The following GMEB2 variants were observed in gnomAD, a reference collection of about 807,000 sequenced individuals.
The protein encoded by GMEB2 is glucocorticoid modulatory element binding protein 2, also known as glucocorticoid modulatory element-binding protein 2.
In GMEB2, 7 loss-of-function variants were observed where a neutral mutation model predicts 45.7. The observed-to-expected ratio is 0.15, with a 90% CI of 0.09 to 0.29. The LOEUF (loss-of-function observed/expected upper bound fraction) is 0.29, where lower values mean the gene tolerates loss of function less well. GMEB2 is among the 10% of genes least tolerant of loss of function. The pLI is 1.00. For missense variants in GMEB2, 582 were observed against 739.2 expected, an observed-to-expected ratio of 0.79 and a Z score of 2.47; for synonymous variants, 322 against 323.6, an observed-to-expected ratio of 1.00 and a Z score of 0.05.
rs1165793826 is a variant in GMEB2, at chr20:63,607,370, C to T, written c.132-2530G>A. Among the ~76,000 whole-genome samples, 2 of 18,196 alleles carry T rather than the reference C, an allele frequency of 1.1e-4. 1 individual carries two copies. Among genetic ancestry groups the T allele is most frequent in the South Asian group, 2.2e-3 (2 of 922 alleles). The allele number at this position is 18,196 out of a possible 152,430, so 11.9% of individuals were successfully genotyped here. ...CATTTCTAGAAACATGTCCCTCTGACCCACCTCCATTTCTAGAAACATGCC... is the reference window on the plus strand; with the variant it reads ...CATTTCTAGAAACATGTCCCTCTGATCCACCTCCATTTCTAGAAACATGCC... On this transcript the variant is annotated intron_variant, in intron 2 of 9. Transcript: ENST00000370077.
At chr20:63,605,815 C>T (rs1450215316) in intron 2 of GMEB2, among the ~76,000 whole-genome samples, 3 of 151,988 alleles carry the variant, frequency 2.0e-5, no homozygotes, top group Non-Finnish European at 2.9e-5. Context: ...ATTAGCCAGG[C>T]GTGGTGGTAC....
rs369781100 is a variant in GMEB2 at position 63,590,595 on chromosome 20, G to A, written c.1087C>T (p.Arg363Cys). 38 of 1,589,900 alleles carry A rather than the reference G, an allele frequency of 2.4e-5. No individual in the cohort carries two copies. The highest frequency in any genetic ancestry group is 3.2e-5 in the Non-Finnish European group (37 of 1,167,328). The change falls in exon 10 of 10, where the codon CGT (arginine) becomes TGT (cysteine). Residue 363 changes from arginine to cysteine, a missense_variant. By Grantham distance (180) the Arg-to-Cys change is radical. Transcript: ENST00000370077. ...ATGGCGGCCGGTCCTGATGTGGCACGTGCAAGCCGGGGCCGCTTCACAGGC... is the reference window on the plus strand; with the variant it reads ...ATGGCGGCCGGTCCTGATGTGGCACATGCAAGCCGGGGCCGCTTCACAGGC... ...PPPVKRPRLA[R>C]ATSGPAAMAS...
At chr20:63,615,134 G>A (rs998911395) in intron 2 of GMEB2, among the ~76,000 whole-genome samples, 2 of 152,176 alleles carry the variant, frequency 1.3e-5, no homozygotes, top group African/African-American at 4.8e-5. Context: ...CTCAGCTGCT[G>A]TAGTGAATTG....
At chr20:63,612,498 G>A (rs567147249) in intron 2 of GMEB2, among the ~76,000 whole-genome samples, 5 of 152,334 alleles carry the variant, frequency 3.3e-5, no homozygotes, top group East Asian at 1.9e-4. Context: ...AGGAAAAGGC[G>A]GGAGGCGGAC....
chr20:63,591,956 G>A (rs552657378), intron 9 of GMEB2, 66 bp downstream of exon 9: 25 of 1,434,478 alleles, frequency 1.7e-5, no homozygotes, highest in South Asian at 3.7e-5. Context: ...GCCGTGGGGT[G>A]AGCCCGTGGG....
rs2083168296 is a variant in GMEB2, at chr20:63,593,491, G to C, written c.620-409C>G. Among the ~76,000 whole-genome samples, 1 of 151,662 alleles carries C rather than the reference G, an allele frequency of 6.6e-6. No individual in the cohort carries two copies. On this transcript the variant is annotated intron_variant, in intron 6 of 9. Coordinates refer to ENST00000370077, the MANE Select transcript of GMEB2 (RefSeq NM_012384.5). The surrounding 1 kb of genome is among the most constrained non-coding windows in gnomAD (Gnocchi z 4.7). ...TGCGGCTGCGTCTGTCGCCCGTGGG[G>C]CTCGCCCTCACCTCGCCTCTTCAAG...
At chr20:63,606,514 A>G (rs1214467678) in intron 2 of GMEB2, among the ~76,000 whole-genome samples, 1 of 152,004 alleles carries the variant, frequency 6.6e-6, no homozygotes, top group African/African-American at 2.4e-5. Context: ...TGCCTGGCTA[A>G]TTTTTTGTAT....
chr20:63,625,728 G>T (rs1332124632), intron 1 of GMEB2, among the ~76,000 whole-genome samples: 1 of 151,864 alleles, frequency 6.6e-6, no homozygotes, highest in African/African-American at 2.4e-5. Context: ...CTCCCAACTA[G>T]CTGGGATTAC....
intron 9 of GMEB2, among the ~76,000 whole-genome samples, chr20:63,591,081 T>C (rs1018666990): frequency 4.6e-5 from 7 of 152,206 alleles, no homozygotes; most frequent in African/African-American, 1.7e-4. Flanking sequence ...GCATGAGCTT[T>C]CACACACCCA....
At chr20:63,614,522 T>C (rs1201064870) in intron 2 of GMEB2, among the ~76,000 whole-genome samples, 1 of 151,708 alleles carries the variant, frequency 6.6e-6, no homozygotes, top group Non-Finnish European at 1.5e-5. Flanking sequence ...GGAAAGAGAG[T>C]CTCCCTTTCC....
intron 1 of GMEB2, among the ~76,000 whole-genome samples, chr20:63,620,314 AGG>A (rs35194935): frequency 9.4e-6 from 1 of 106,122 alleles, no homozygotes; most frequent in Non-Finnish European, 2.4e-5. Flanking sequence ...GCTTGGAGAC[AGG>A]GGAATCTTCC....
At chr20:63,611,985 G>A (rs1208885447) in intron 2 of GMEB2, among the ~76,000 whole-genome samples, 1 of 152,106 alleles carries the variant, frequency 6.6e-6, no homozygotes. Flanking sequence ...GAACCCAGGA[G>A]GTCACGGCTG....
chr20:63,623,831 G>C (rs1055790991), intron 1 of GMEB2, among the ~76,000 whole-genome samples: 1 of 151,872 alleles, frequency 6.6e-6, no homozygotes, highest in African/African-American at 2.4e-5. Context: ...TTTTACTCAG[G>C]CCAGGTGTGG....
intron 1 of GMEB2, among the ~76,000 whole-genome samples, chr20:63,622,426 G>C (rs922660122): frequency 5.9e-5 from 9 of 152,196 alleles, no homozygotes; most frequent in Non-Finnish European, 1.2e-4. Flanking sequence ...TGTGCCTTCA[G>C]GTCTCAAGGT....
intron 1 of GMEB2, among the ~76,000 whole-genome samples, chr20:63,622,892 C>A (rs999981339): frequency 1.3e-5 from 2 of 152,178 alleles, no homozygotes; most frequent in Admixed American, 6.5e-5. Flanking sequence ...AGACCCCGCA[C>A]GCGTTACTGA....
rs560178267 is a variant in GMEB2 at position 63,623,075 on chromosome 20, G to A, written c.-57-3621C>T. Among the ~76,000 whole-genome samples the A allele has an allele frequency of 4.2e-4, 64 of 152,306 alleles. 4 individuals are homozygous for A. In the South Asian group the frequency reaches 9.7e-3, roughly 23 times the overall value. ...GAACACATCTAAACACAAGCACTAA[G>A]GACTAAGTGCGAGGGACAAGAAAAT... On this transcript the variant is annotated intron_variant, in intron 1 of 9. Transcript: ENST00000370077.
chr20:63,595,984 GCA>G (rs2083197297), intron 5 of GMEB2, among the ~76,000 whole-genome samples: 1 of 152,220 alleles, frequency 6.6e-6, no homozygotes, highest in Non-Finnish European at 1.5e-5. Context: ...CCACGCTACG[GCA>G]CTGTCCCCAG....
intron 3 of GMEB2, among the ~76,000 whole-genome samples, chr20:63,603,836 T>G (rs2089496804): frequency 6.6e-6 from 1 of 151,596 alleles, no homozygotes; most frequent in Admixed American, 6.6e-5. Context: ...GTGGATCACC[T>G]GAGGTCAGGA....
chr20:63,595,306 C>T (rs1344022674), intron 6 of GMEB2, among the ~76,000 whole-genome samples: 2 of 151,978 alleles, frequency 1.3e-5, no homozygotes, highest in African/African-American at 4.8e-5. Context: ...GCCGGGTGGG[C>T]GCCCAGGCAC....
Sources: gnomAD v4.1 joint callset for allele counts (sites outside exome capture counted in the v4.1 genomes callset) on GRCh38, gnomAD v4.1.1 for gene constraint, Gnocchi (gnomAD v3.1) non-coding constraint, MANE v1.5 for transcripts, NCBI Gene and HGNC (gene_info 2026-07-23, HGNC 2026-07-21) for gene names.